Variants in POFUT3 observed in about 807,000 individuals in gnomAD.
POFUT3 encodes GDP-fucose protein O-fucosyltransferase 3.
the POFUT3 span, among the ~76,000 whole-genome samples, chr8:33,365,073 G>A: frequency 6.6e-6 from 1 of 152,094 alleles, no homozygotes; most frequent in Admixed American, 6.6e-5. Context: ...ATAGACCAAT[G>A]GAACAGAACA....
At chr8:33,437,579 G>C in the POFUT3 span, among the ~76,000 whole-genome samples, 17 of 152,266 alleles carry the variant, frequency 1.1e-4, no homozygotes, top group East Asian at 3.3e-3. Context: ...GGGAGGCTGA[G>C]GCAGAAGGAT....
chr8:33,318,293 A>G, the POFUT3 span, among the ~76,000 whole-genome samples: 2,430 of 151,494 alleles, frequency 0.016, 78 homozygotes, highest in African/African-American at 0.057. Flanking sequence ...CTTGTAATTC[A>G]GAATCTTGGG....
the POFUT3 span, chr8:33,436,331 C>T: frequency 7.5e-7 from 1 of 1,333,154 alleles, no homozygotes; most frequent in Non-Finnish European, 1.1e-6. Context: ...CCACTGCATC[C>T]TCTGCCCGCT....
the POFUT3 span, among the ~76,000 whole-genome samples, chr8:33,365,421 A>T: frequency 6.6e-6 from 1 of 152,228 alleles, no homozygotes; most frequent in African/African-American, 2.4e-5. Flanking sequence ...AATCTAATTA[A>T]ACTAAAGAGC....
the POFUT3 span, among the ~76,000 whole-genome samples, chr8:33,375,591 G>T: frequency 1.3e-5 from 2 of 152,048 alleles, no homozygotes; most frequent in African/African-American, 4.8e-5. Flanking sequence ...ACCTGGGAAA[G>T]AAACAAAAAA....
the POFUT3 span, among the ~76,000 whole-genome samples, chr8:33,358,087 T>TA: frequency 1.3e-5 from 2 of 151,834 alleles, no homozygotes; most frequent in African/African-American, 2.4e-5. Flanking sequence ...TCTCTCTATA[T>TA]AAAAAATACA....
the POFUT3 span, among the ~76,000 whole-genome samples, chr8:33,327,736 C>A: frequency 1.3e-5 from 2 of 152,172 alleles, no homozygotes; most frequent in African/African-American, 4.8e-5. Flanking sequence ...TGCACAAATT[C>A]TAAAAGTTGA....
At chr8:33,344,420 T>C in the POFUT3 span, among the ~76,000 whole-genome samples, 1 of 152,156 alleles carries the variant, frequency 6.6e-6, no homozygotes, top group Non-Finnish European at 1.5e-5. Context: ...TATATAAAGA[T>C]TTGAGGATCT....
At chr8:33,458,487 G>A in the POFUT3 span, among the ~76,000 whole-genome samples, 1 of 152,082 alleles carries the variant, frequency 6.6e-6, no homozygotes, top group Admixed American at 6.6e-5. Context: ...GGCCAAGGCG[G>A]GTGAATCACT....
the POFUT3 span, among the ~76,000 whole-genome samples, chr8:33,309,555 A>G: frequency 2.6e-5 from 4 of 152,038 alleles, no homozygotes; most frequent in African/African-American, 9.7e-5. Flanking sequence ...TGACCGGCCC[A>G]GTGACAGCAG....
the POFUT3 span, among the ~76,000 whole-genome samples, chr8:33,336,360 G>C: frequency 6.6e-6 from 1 of 152,144 alleles, no homozygotes; most frequent in East Asian, 1.9e-4. Context: ...CCAGAGGATA[G>C]GTACTGGAAA....
the POFUT3 span, among the ~76,000 whole-genome samples, chr8:33,350,875 T>C: frequency 3.3e-5 from 5 of 152,216 alleles, no homozygotes; most frequent in Non-Finnish European, 7.3e-5. Context: ...TAAATGTTAA[T>C]TGTGGTGGTA....
the POFUT3 span, among the ~76,000 whole-genome samples, chr8:33,443,492 T>A: frequency 6.6e-6 from 1 of 152,080 alleles, no homozygotes; most frequent in Non-Finnish European, 1.5e-5. Context: ...ATTTCTCAGC[T>A]TTATTTTATT....
At chr8:33,322,734 G>C in the POFUT3 span, among the ~76,000 whole-genome samples, 4 of 152,092 alleles carry the variant, frequency 2.6e-5, no homozygotes, top group Admixed American at 2.6e-4. Flanking sequence ...ATTTGATAAC[G>C]GTAATGAAAA....
the POFUT3 span, among the ~76,000 whole-genome samples, chr8:33,430,113 C>T: frequency 6.6e-5 from 10 of 152,106 alleles, no homozygotes; most frequent in East Asian, 3.8e-4. Flanking sequence ...CATTTTACAC[C>T]GAGGCTATGA....
chr8:33,400,675 T>A, the POFUT3 span, among the ~76,000 whole-genome samples: 1 of 152,078 alleles, frequency 6.6e-6, no homozygotes, highest in African/African-American at 2.4e-5. Context: ...TTATCACTCT[T>A]GTGAATACTT....
the POFUT3 span, among the ~76,000 whole-genome samples, chr8:33,442,027 G>A: frequency 0.012 from 1,816 of 152,160 alleles, 17 homozygotes; most frequent in Non-Finnish European, 0.019. Flanking sequence ...TTGGCTCACT[G>A]CAACCTCCGC....
chr8:33,437,354 G>A, the POFUT3 span, among the ~76,000 whole-genome samples: 11 of 151,326 alleles, frequency 7.3e-5, no homozygotes, highest in South Asian at 2.1e-4. Context: ...CTGAAGCATC[G>A]GTCACACAGC....
chr8:33,418,270 C>T, the POFUT3 span, among the ~76,000 whole-genome samples: 3 of 152,138 alleles, frequency 2.0e-5, no homozygotes, highest in African/African-American at 7.2e-5. Context: ...CATAGCACAG[C>T]CTCCACGCAC....
Sources: gnomAD v4.1 joint callset for allele counts (sites outside exome capture counted in the v4.1 genomes callset) on GRCh38, gnomAD v4.1.1 for gene constraint, MANE v1.5 for transcripts, NCBI Gene and HGNC (gene_info 2026-07-23, HGNC 2026-07-21) for gene names.